EEF1AKMT4: variants seen among roughly 807,000 people sequenced by gnomAD.
EEF1AKMT4 encodes the protein eukaryotic translation elongation factor 1 alpha lysine specific methyltransferase 4.
In EEF1AKMT4, 17 loss-of-function variants were observed where a neutral mutation model predicts 23.0. The ratio of observed to expected loss-of-function variants is 0.74; its 90% CI spans 0.51 to 1.11. The LOEUF is 1.11. Among genes scored for constraint, EEF1AKMT4 ranks in the 50% least tolerant of loss-of-function variants. The pLI, the probability that EEF1AKMT4 is intolerant of heterozygous loss-of-function variation, is 0.00. For synonymous variants in EEF1AKMT4, 140 were observed against 141.4 expected (o/e 0.99, Z 0.07); for missense variants, 318 against 333.4 (o/e 0.95, Z 0.36).
In EEF1AKMT4 at chr3:184,258,285, C is replaced by T; in HGVS notation, c.481-3C>T. 1 of 1,605,880 alleles carries T rather than the reference C, an allele frequency of 6.2e-7. No homozygotes were observed. Among genetic ancestry groups the T allele is most frequent in the African/African-American group, 1.3e-5 (1 of 74,934 alleles). ...ACCAATGGCTTCTCTGTCTGCCTTG[C>T]AGGTGAGCCGCGTGCTTGTCCCTGG... is the stretch of plus-strand genomic sequence containing the variant. On this transcript the variant is annotated splice_polypyrimidine_tract_variant and splice_region_variant and intron_variant, in intron 2 of 2. Coordinates refer to ENST00000324557, the MANE Select transcript of EEF1AKMT4 (RefSeq NM_032331.4).
chr3:184,252,946 CAAAA>C (rs563455729), intron 1 of EEF1AKMT4, among the ~76,000 whole-genome samples: 5,232 of 44,880 alleles, frequency 0.12, 100 homozygotes, highest in Non-Finnish European at 0.18. Context: ...AACTCCATCT[CAAAA>C]AAAAAAAAAA....
At chr3:184,253,250 C>T (rs1011624229) in intron 1 of EEF1AKMT4, among the ~76,000 whole-genome samples, 1 of 152,118 alleles carries the variant, frequency 6.6e-6, no homozygotes, top group Non-Finnish European at 1.5e-5. Context: ...CACACCAAAA[C>T]CCAGGGATAT....
chr3:184,257,652 G>A lies in EEF1AKMT4; in HGVS notation c.376G>A (p.Val126Met). 1 of 1,614,238 alleles carries A rather than the reference G, an allele frequency of 6.2e-7. No individual in the cohort carries two copies. The highest frequency in any genetic ancestry group is 1.1e-5 in the South Asian group (1 of 91,092). Residue 126 changes from valine (V) to methionine (M), a missense_variant, in exon 2 of 3, where the codon GTG (valine) becomes ATG (methionine). Val to Met is a conservative substitution (Grantham distance 21). Coordinates refer to ENST00000324557, the MANE Select transcript of EEF1AKMT4 (RefSeq NM_032331.4). ...GGACTTCCCCAGTGCTTCTTTTGAT[G>A]TGGTGCTCGAGAAGGGCACGCTGGA... ...KLDFPSASFDVVLEKGTLDAL... is the reference protein window; with the variant it reads ...KLDFPSASFDMVLEKGTLDAL...
In EEF1AKMT4 at chr3:184,257,624, G is replaced by A. The variant is rs1026611870; in HGVS notation, c.348G>A (p.Lys116=). Residue 116 remains lysine (K), a synonymous_variant, in exon 2 of 3, where the codon AAG becomes AAA. Transcript: ENST00000324557. Reference sequence around the variant, plus strand: ...GCTGGGAGACCATGGATGTGCGGAAGCTGGACTTCCCCAGTGCTTCTTTTG... The same window carrying A: ...GCTGGGAGACCATGGATGTGCGGAAACTGGACTTCCCCAGTGCTTCTTTTG... ...QLRWETMDVR[K]LDFPSASFDV... is the part of the protein sequence containing the mutation. The A allele has an allele frequency of 1.2e-6, 2 of 1,614,232 alleles. No homozygotes were observed. The highest frequency in any genetic ancestry group is 1.7e-6 in the Non-Finnish European group (2 of 1,180,052).
intron 1 of EEF1AKMT4, among the ~76,000 whole-genome samples, chr3:184,252,427 G>A (rs1035870306): frequency 6.6e-6 from 1 of 152,178 alleles, no homozygotes; most frequent in Non-Finnish European, 1.5e-5. Context: ...TGCCTGATAA[G>A]AGCCAGAGAA....
intron 1 of EEF1AKMT4, among the ~76,000 whole-genome samples, chr3:184,253,359 C>T (rs775390426): frequency 2.4e-4 from 37 of 152,198 alleles, no homozygotes; most frequent in Non-Finnish European, 4.9e-4. Flanking sequence ...AGTAAGGGTG[C>T]TTTGTGACAC....
intron 1 of EEF1AKMT4, among the ~76,000 whole-genome samples, chr3:184,250,627 C>T (rs1270291280): frequency 6.6e-6 from 1 of 152,140 alleles, no homozygotes; most frequent in Non-Finnish European, 1.5e-5. Context: ...TTACTTTGCT[C>T]TTTGTAAAAG....
At chr3:184,254,535 T>C (rs187268425) in intron 1 of EEF1AKMT4, among the ~76,000 whole-genome samples, 208 of 141,998 alleles carry the variant, frequency 1.5e-3, no homozygotes, top group African/African-American at 4.9e-3. Flanking sequence ...AAACCCCGTC[T>C]CTACTAAAAA....
At chr3:184,256,292 AAAAG>A (rs1719801307) in intron 1 of EEF1AKMT4, among the ~76,000 whole-genome samples, 1 of 144,326 alleles carries the variant, frequency 6.9e-6, no homozygotes, top group Admixed American at 6.9e-5. Flanking sequence ...AAAAAAAAAG[AAAAG>A]AAAAGAAAAA....
chr3:184,254,139 G>A (rs1719685560), intron 1 of EEF1AKMT4, among the ~76,000 whole-genome samples: 1 of 152,142 alleles, frequency 6.6e-6, no homozygotes, highest in Non-Finnish European at 1.5e-5. Context: ...GTACCCTGTT[G>A]GAAGACTCGT....
At chr3:184,252,712 G>C (rs1386600353) in intron 1 of EEF1AKMT4, among the ~76,000 whole-genome samples, 2 of 152,162 alleles carry the variant, frequency 1.3e-5, no homozygotes, top group African/African-American at 4.8e-5. Flanking sequence ...GGAGGCCGAG[G>C]CGGGCGGGTC....
At position 184,258,443 on chromosome 3, in the gene EEF1AKMT4, C is replaced by T. The variant is rs1419233986; in HGVS notation, c.636C>T (p.His212=). 6.2e-7 allele frequency: 1 copy of T among 1,613,960 alleles called. No individual in the cohort carries two copies. Among genetic ancestry groups the T allele is most frequent in the Non-Finnish European group, 8.5e-7 (1 of 1,179,914 alleles). The change falls in exon 3 of 3, where the codon CAC becomes CAT. Residue 212 remains histidine (H), a synonymous_variant. Coordinates refer to ENST00000324557, the MANE Select transcript of EEF1AKMT4 (RefSeq NM_032331.4). ...TCCACTTCCATCTCTACCTCATGCA[C>T]AAGGGCGGGAAGCTCAGTGTGGCCC... The part of the protein sequence containing the change: ...SGFHFHLYLM[H]KGGKLSVAQL...
Position 184,257,714 on chromosome 3 carries a change from G to A in EEF1AKMT4, c.438G>A (p.Val146=). The A allele has an allele frequency of 1.2e-6, 2 of 1,614,030 alleles. No homozygotes were observed. The highest frequency in any genetic ancestry group is 2.2e-5 in the East Asian group (1 of 44,890). Residue 146 remains valine, a synonymous_variant, in exon 2 of 3, where the codon GTG becomes GTA. Transcript: ENST00000324557. ...CTGGGGAACGAGATCCCTGGACCGT[G>A]TCCTCTGAAGGTGTCCACACTGTGG... is the stretch of plus-strand genomic sequence containing the variant. ...LLAGERDPWT[V]SSEGVHTVDQ...
At chr3:184,252,804 G>A (rs1719619390) in intron 1 of EEF1AKMT4, among the ~76,000 whole-genome samples, 1 of 151,996 alleles carries the variant, frequency 6.6e-6, no homozygotes, top group African/African-American at 2.4e-5. Flanking sequence ...TCAGCCAGGT[G>A]TGGTGGCAGG....
Position 184,252,946 on chromosome 3 carries a change from C to CAA in EEF1AKMT4, c.196+3080_196+3081dup, listed in dbSNP as rs563455729. ...TGGGTGACAGGGTGAAACTCCATCTCAAAAAAAAAAAAAAAAAAAAAAAAA... is the reference window on the plus strand; with the variant it reads ...TGGGTGACAGGGTGAAACTCCATCTCAAAAAAAAAAAAAAAAAAAAAAAAAAA... On this transcript the variant is annotated intron_variant, in intron 1 of 2. Transcript: ENST00000324557. 8.1e-3 allele frequency among the ~76,000 whole-genome samples: 355 copies of CAA among 43,804 alleles called. 1 individual carries two copies. The highest frequency in any genetic ancestry group is 0.014 in the Middle Eastern group (1 of 74). The allele number at this position is 43,804 out of a possible 152,430, so 28.7% of individuals were successfully genotyped here.
chr3:184,249,949 C>G (rs1177735032), intron 1 of EEF1AKMT4, 59 bp downstream of exon 1: 1 of 1,558,406 alleles, frequency 6.4e-7, no homozygotes, highest in East Asian at 2.3e-5. Flanking sequence ...GCCGCATGGG[C>G]TTGGCCTGGT....
At position 184,257,619 on chromosome 3, in the gene EEF1AKMT4, C is replaced by T. The variant is rs146338541; in HGVS notation, c.343C>T (p.Arg115Trp). 1.1e-5 allele frequency: 17 copies of T among 1,614,058 alleles called. No individual in the cohort carries two copies. The African/African-American group carries it at 1.5e-4, about 14-fold the overall frequency. The change falls in exon 2 of 3, where the codon CGG (arginine) becomes TGG (tryptophan). Residue 115 changes from arginine to tryptophan, a missense_variant. Transcript: ENST00000324557. ...GCTGCGCTGGGAGACCATGGATGTG[C>T]GGAAGCTGGACTTCCCCAGTGCTTC... ...PQLRWETMDV[R>W]KLDFPSASFD...
rs781669082 is a variant in EEF1AKMT4, at chr3:184,257,510, C to A, written c.234C>A (p.Leu78=). The change falls in exon 2 of 3, where the codon CTC becomes CTA. Residue 78 remains leucine (L), a synonymous_variant. Transcript: ENST00000324557. ...GTGCCCTGAGCTACGAGCTGTTCCT[C>A]GGAGGCTTCCCTAATGTGACCAGTG... ...GNSALSYELF[L]GGFPNVTSVD... is the part of the protein sequence containing the mutation. 1.2e-6 allele frequency: 2 copies of A among 1,611,552 alleles called. No individual in the cohort carries two copies. Among genetic ancestry groups the A allele is most frequent in the East Asian group, 4.5e-5 (2 of 44,818 alleles).
Position 184,257,509 on chromosome 3 carries a change from T to TC in EEF1AKMT4, c.234dup (p.Gly79ArgfsTer5). 6.2e-7 allele frequency: 1 copy of TC among 1,611,638 alleles called. No individual in the cohort carries two copies. The highest frequency in any genetic ancestry group is 8.5e-7 in the Non-Finnish European group (1 of 1,177,958). On this transcript the variant is annotated frameshift_variant, in exon 2 of 3. Coordinates refer to ENST00000324557, the MANE Select transcript of EEF1AKMT4 (RefSeq NM_032331.4). LOFTEE classifies it high-confidence loss of function. ...AGTGCCCTGAGCTACGAGCTGTTCC[T>TC]CGGAGGCTTCCCTAATGTGACCAGT...
Sources: allele counts gnomAD v4.1 joint callset (sites outside exome capture counted in the v4.1 genomes callset), GRCh38; gene constraint gnomAD v4.1.1; transcripts MANE v1.5; gene names NCBI Gene and HGNC (gene_info 2026-07-23, HGNC 2026-07-21).